EXOC6: variants seen among roughly 807,000 people sequenced by gnomAD.
EXOC6 encodes the protein exocyst complex component 6, also known as SEC15-like 1.
Under a neutral mutation model 112.5 loss-of-function variants are expected in EXOC6, and 60 were observed. The observed-to-expected ratio is 0.53, with a 90% CI of 0.43 to 0.66. The LOEUF is 0.66. EXOC6 is among the 30% of genes least tolerant of loss of function. The pLI, the probability that EXOC6 is intolerant of heterozygous loss-of-function variation, is 0.00. For missense variants in EXOC6, 855 were observed against 957.1 expected (o/e 0.89, Z 1.41); for synonymous variants, 295 against 308.0 (o/e 0.96, Z 0.44).
intron 1 of EXOC6, among the ~76,000 whole-genome samples, chr10:92,838,915 A>T (rs538863771): frequency 1.3e-5 from 2 of 152,276 alleles, no homozygotes; most frequent in East Asian, 3.9e-4. Context: ...CTACTGAAAA[A>T]TACAAAAATT....
chr10:92,936,537 G>T (rs548474838), intron 12 of EXOC6, among the ~76,000 whole-genome samples: 273 of 152,358 alleles, frequency 1.8e-3, no homozygotes, highest in African/African-American at 6.0e-3. Context: ...GGAGGTTGCA[G>T]TGAGCCGAGA....
intron 1 of EXOC6, among the ~76,000 whole-genome samples, chr10:92,886,260 A>C (rs1173076729): frequency 6.6e-6 from 1 of 152,198 alleles, no homozygotes; most frequent in East Asian, 1.9e-4. Context: ...AAAAAAGAAA[A>C]ATAGCTTTTT....
intron 8 of EXOC6, among the ~76,000 whole-genome samples, chr10:92,926,756 A>G (rs886267355): frequency 9.9e-5 from 15 of 151,982 alleles, no homozygotes; most frequent in African/African-American, 3.4e-4. Context: ...CTGGTCTCAA[A>G]CTCCTGGCCT....
chr10:92,949,600 T>C (rs2134001263), intron 14 of EXOC6, among the ~76,000 whole-genome samples: 1 of 151,594 alleles, frequency 6.6e-6, no homozygotes, highest in Admixed American at 6.6e-5. Context: ...GTGGCTTTTT[T>C]TTTTTTTTTG....
chr10:92,916,690 CT>C (rs1851111312), intron 7 of EXOC6, among the ~76,000 whole-genome samples: 1 of 152,206 alleles, frequency 6.6e-6, no homozygotes, highest in Non-Finnish European at 1.5e-5. Context: ...CTCCTTTGTT[CT>C]GCAGACATGC....
intron 1 of EXOC6, among the ~76,000 whole-genome samples, chr10:92,863,090 G>A (rs992575329): frequency 1.3e-5 from 2 of 152,194 alleles, no homozygotes; most frequent in African/African-American, 2.4e-5. Context: ...GACTTTAACA[G>A]CTATGGCTAA....
intron 20 of EXOC6, among the ~76,000 whole-genome samples, chr10:93,023,575 A>G (rs1844883055): frequency 6.6e-6 from 1 of 152,206 alleles, no homozygotes; most frequent in African/African-American, 2.4e-5. Flanking sequence ...CTTTGTGAAT[A>G]TGATTTGTTC....
At chr10:92,839,003 G>T (rs1846748727) in intron 1 of EXOC6, among the ~76,000 whole-genome samples, 2 of 152,050 alleles carry the variant, frequency 1.3e-5, no homozygotes, top group Non-Finnish European at 2.9e-5. Flanking sequence ...AACCTGGGAG[G>T]CGGAGGTTGC....
At chr10:92,984,882 C>G (rs559883889) in intron 18 of EXOC6, among the ~76,000 whole-genome samples, 2 of 152,086 alleles carry the variant, frequency 1.3e-5, no homozygotes, top group African/African-American at 4.8e-5. Flanking sequence ...ACCTGTAGTC[C>G]CAGCTACTTG....
intron 17 of EXOC6, 136 bp from the exon 18 acceptor site, chr10:92,973,916 AC>A: frequency 1.4e-6 from 1 of 699,484 alleles, no homozygotes; most frequent in Non-Finnish European, 2.3e-6. Flanking sequence ...GAAAAAAAAA[AC>A]CAACAGTTTT....
At chr10:92,873,767 T>C (rs1030149844) in intron 1 of EXOC6, among the ~76,000 whole-genome samples, 3 of 152,078 alleles carry the variant, frequency 2.0e-5, no homozygotes, top group Admixed American at 6.6e-5. Flanking sequence ...AATTGGATTC[T>C]GGGCCAGGCA....
intron 20 of EXOC6, among the ~76,000 whole-genome samples, chr10:93,030,865 T>C (rs377254471): frequency 6.6e-6 from 1 of 152,072 alleles, no homozygotes; most frequent in Non-Finnish European, 1.5e-5. Context: ...AAAAAAGAAA[T>C]ACAGTTAAAG....
intron 1 of EXOC6, among the ~76,000 whole-genome samples, chr10:92,876,495 A>G (rs953584023): frequency 8.5e-5 from 13 of 152,214 alleles, no homozygotes; most frequent in African/African-American, 1.9e-4. Flanking sequence ...CAGAGCCTAC[A>G]CTTTTAATCA....
intron 19 of EXOC6, among the ~76,000 whole-genome samples, chr10:93,003,493 A>G (rs535739646): frequency 6.6e-6 from 1 of 152,302 alleles, no homozygotes; most frequent in Admixed American, 6.5e-5. Context: ...TGACACACGT[A>G]CCTGTGAGTT....
intron 5 of EXOC6, among the ~76,000 whole-genome samples, chr10:92,902,661 T>C (rs1850240722): frequency 6.6e-6 from 1 of 152,132 alleles, no homozygotes; most frequent in African/African-American, 2.4e-5. Flanking sequence ...TGTTGAATGT[T>C]ATTGCTACCC....
intron 1 of EXOC6, among the ~76,000 whole-genome samples, chr10:92,867,392 T>A (rs757239582): frequency 6.6e-6 from 1 of 152,044 alleles, no homozygotes; most frequent in African/African-American, 2.4e-5. Flanking sequence ...GAACATATAA[T>A]TTGTAGAGAG....
At chr10:92,853,816 T>C (rs1847465705) in intron 1 of EXOC6, among the ~76,000 whole-genome samples, 1 of 152,158 alleles carries the variant, frequency 6.6e-6, no homozygotes, top group Non-Finnish European at 1.5e-5. Context: ...TTTGTGACTT[T>C]AGGATAGGCC....
At chr10:92,924,114 C>G (rs554140555) in intron 8 of EXOC6, among the ~76,000 whole-genome samples, 20 of 152,224 alleles carry the variant, frequency 1.3e-4, no homozygotes, top group African/African-American at 4.8e-4. Flanking sequence ...ACGATAGTTT[C>G]CTTTTAATGA....
chr10:92,977,893 G>A (rs1842691484), intron 18 of EXOC6, among the ~76,000 whole-genome samples: 1 of 152,034 alleles, frequency 6.6e-6, no homozygotes, highest in Admixed American at 6.6e-5. Flanking sequence ...GACATACTCT[G>A]GTGGCATTGA....
Sources: allele counts gnomAD v4.1 joint callset (sites outside exome capture counted in the v4.1 genomes callset), GRCh38; gene constraint gnomAD v4.1.1; transcripts MANE v1.5; gene names NCBI Gene and HGNC (gene_info 2026-07-23, HGNC 2026-07-21).